The following LIMS1 variants were observed in gnomAD, a reference collection of about 807,000 sequenced individuals.
LIMS1 encodes LIM and senescent cell antigen-like-containing domain protein 1.
LIMS1 carries 18 observed loss-of-function variants against 44.1 expected under a neutral mutation model. That is an observed-to-expected ratio of 0.41 (90% CI 0.28 to 0.61). LIMS1 has a LOEUF of 0.61. Among genes scored for constraint, LIMS1 ranks in the 20% least tolerant of loss-of-function variants. LIMS1 has a pLI of 0.32. For missense variants in LIMS1, 201 were observed against 422.0 expected, an observed-to-expected ratio of 0.48 and a Z score of 4.59; for synonymous variants, 93 against 149.1, an observed-to-expected ratio of 0.62 and a Z score of 2.74.
intron 1 of LIMS1, among the ~76,000 whole-genome samples, chr2:108,568,616 AATACCCAC>A (rs1259451097): frequency 6.6e-6 from 1 of 152,142 alleles, no homozygotes; most frequent in Non-Finnish European, 1.5e-5. Flanking sequence ...TGTTTTCCAT[AATACCCAC>A]ACCATTTTAC....
At chr2:108,575,580 A>G (rs1338502869) in intron 1 of LIMS1, among the ~76,000 whole-genome samples, 1 of 152,114 alleles carries the variant, frequency 6.6e-6, no homozygotes. Context: ...AAATTCCTGC[A>G]TTTGTCACCA....
At chr2:108,548,482 G>C (rs1684563952) in intron 1 of LIMS1, among the ~76,000 whole-genome samples, 2 of 152,182 alleles carry the variant, frequency 1.3e-5, no homozygotes, top group Admixed American at 1.3e-4. Flanking sequence ...CTTTGTTTTA[G>C]ACCTGAGTTT....
intron 1 of LIMS1, among the ~76,000 whole-genome samples, chr2:108,633,977 C>G (rs1039447699): frequency 6.6e-6 from 1 of 152,140 alleles, no homozygotes; most frequent in Non-Finnish European, 1.5e-5. Context: ...TCTTGCACAC[C>G]ACCGTTCTTT....
chr2:108,641,523 G>A (rs1464678705), intron 1 of LIMS1, among the ~76,000 whole-genome samples: 1 of 152,154 alleles, frequency 6.6e-6, no homozygotes, highest in Non-Finnish European at 1.5e-5. Flanking sequence ...ATTATTGTTA[G>A]GTGATAATCT....
exon 6 of LIMS1, chr2:108,675,900 C>T (rs1265440727): frequency 2.5e-6 from 4 of 1,613,928 alleles, no homozygotes; most frequent in Admixed American, 1.7e-5. Context: ...TGCCGATGCA[C>T]GGGAGCTGAA....
At chr2:108,665,746 G>A (rs1309285253) in intron 2 of LIMS1, among the ~76,000 whole-genome samples, 5 of 151,732 alleles carry the variant, frequency 3.3e-5, no homozygotes, top group African/African-American at 1.2e-4. Flanking sequence ...GGCTGGTATC[G>A]AACTCCTGAT....
At chr2:108,632,523 A>G (rs1573501673) in intron 1 of LIMS1, among the ~76,000 whole-genome samples, 1 of 152,174 alleles carries the variant, frequency 6.6e-6, no homozygotes, top group Non-Finnish European at 1.5e-5. Context: ...AAGGGAGGAT[A>G]TGCCCAGAGT....
chr2:108,603,433 A>G (rs2104728108), intron 1 of LIMS1, among the ~76,000 whole-genome samples: 1 of 149,922 alleles, frequency 6.7e-6, no homozygotes, highest in Non-Finnish European at 1.5e-5. Context: ...AGTTGCTCAT[A>G]GTAGCCACTA....
At chr2:108,600,396 G>A (rs370582199) in intron 1 of LIMS1, among the ~76,000 whole-genome samples, 2,706 of 151,964 alleles carry the variant, frequency 0.018, 39 homozygotes, top group African/African-American at 0.039. Flanking sequence ...GTGCATTTTT[G>A]CTTTGGTTGC....
chr2:108,595,368 C>CT (rs1686625187), intron 1 of LIMS1, among the ~76,000 whole-genome samples: 1 of 152,102 alleles, frequency 6.6e-6, no homozygotes, highest in African/African-American at 2.4e-5. Flanking sequence ...CATGAACAAA[C>CT]TACCTTATAT....
chr2:108,599,962 ATCTTCT>A (rs1385125789), intron 1 of LIMS1, among the ~76,000 whole-genome samples: 1 of 151,374 alleles, frequency 6.6e-6, no homozygotes, highest in African/African-American at 2.4e-5. Flanking sequence ...GTTTGCAGAT[ATCTTCT>A]CCCATTCTGT....
At chr2:108,665,759 C>G (rs1319936733) in intron 2 of LIMS1, among the ~76,000 whole-genome samples, 1 of 151,980 alleles carries the variant, frequency 6.6e-6, no homozygotes, top group East Asian at 1.9e-4. Flanking sequence ...CTCCTGATCT[C>G]ATTATCTGCC....
At chr2:108,541,896 GA>G in intron 1 of LIMS1, among the ~76,000 whole-genome samples, 1 of 152,244 alleles carries the variant, frequency 6.6e-6, no homozygotes, top group Non-Finnish European at 1.5e-5. Context: ...AAAGCATTTT[GA>G]ATTCTTTTTT....
intron 1 of LIMS1, among the ~76,000 whole-genome samples, chr2:108,565,892 A>C (rs1405268721): frequency 2.0e-5 from 3 of 152,262 alleles, no homozygotes; most frequent in East Asian, 3.9e-4. Context: ...CCAGCCCTTC[A>C]CAAAGCACTA....
chr2:108,623,945 C>T (rs826689), intron 1 of LIMS1, among the ~76,000 whole-genome samples: 130,965 of 152,284 alleles, frequency 0.86, 56,440 homozygotes, highest in East Asian at 0.99. Context: ...AAAATAGTTC[C>T]GGCGTCAAAC....
At chr2:108,664,715 CATTTCTACACACTGTAGAA>C (rs779109090) in intron 2 of LIMS1, among the ~76,000 whole-genome samples, 28 of 152,088 alleles carry the variant, frequency 1.8e-4, no homozygotes, top group Non-Finnish European at 3.8e-4. Flanking sequence ...TATGTTTGAT[CATTTCTACACACTGTAGAA>C]AAGAGGCAGC....
intron 1 of LIMS1, among the ~76,000 whole-genome samples, chr2:108,561,694 CTTT>C (rs1478990963): frequency 6.7e-6 from 1 of 149,096 alleles, no homozygotes; most frequent in African/African-American, 2.5e-5. Context: ...TTTCAAACTT[CTTT>C]GTTATGATTA....
chr2:108,623,750 G>A (rs1207136149), intron 1 of LIMS1, among the ~76,000 whole-genome samples: 1 of 152,144 alleles, frequency 6.6e-6, no homozygotes, highest in Non-Finnish European at 1.5e-5. Flanking sequence ...ACCCATTCCA[G>A]CTCTCATTCC....
At chr2:108,569,324 A>G (rs940500781) in intron 1 of LIMS1, among the ~76,000 whole-genome samples, 2 of 152,174 alleles carry the variant, frequency 1.3e-5, no homozygotes, top group African/African-American at 2.4e-5. Flanking sequence ...TTGATGCACA[A>G]AAGTTTTAAA....
Sources: gnomAD v4.1 joint callset for allele counts (sites outside exome capture counted in the v4.1 genomes callset) on GRCh38, gnomAD v4.1.1 for gene constraint, MANE v1.5 for transcripts, NCBI Gene and HGNC (gene_info 2026-07-23, HGNC 2026-07-21) for gene names.